Variants in GRIA3 observed in about 807,000 individuals in gnomAD.
GRIA3 encodes the protein glutamate ionotropic receptor AMPA type subunit 3.
GRIA3 carries 3 observed loss-of-function variants against 63.0 expected under a neutral mutation model. The ratio of observed to expected loss-of-function variants is 0.05; its 90% CI spans 0.02 to 0.12. The LOEUF (loss-of-function observed/expected upper bound fraction) is 0.12, where lower values mean the gene tolerates loss of function less well. Among genes scored for constraint, GRIA3 ranks in the 10% least tolerant of loss-of-function variants. The pLI is 1.00. For synonymous variants in GRIA3, 274 were observed against 257.9 expected (o/e 1.06, Z -0.60); for missense variants, 347 against 700.9 (o/e 0.50, Z 5.70).
At chrX:123,303,578 G>A (rs375300002) in intron 3 of GRIA3, among the ~76,000 whole-genome samples, 14 of 110,246 alleles carry the variant, frequency 1.3e-4, no homozygotes, top group African/African-American at 2.0e-4. Context: ...GTTTTGCATC[G>A]TTACTTATTT....
At chrX:123,405,745 G>A (rs2045470442) in intron 10 of GRIA3, among the ~76,000 whole-genome samples, 1 of 111,302 alleles carries the variant, frequency 9.0e-6, no homozygotes, top group Admixed American at 9.6e-5. Flanking sequence ...TTCTCTATTC[G>A]CATCTACTTG....
At chrX:123,290,383 T>G (rs1291442706) in intron 3 of GRIA3, among the ~76,000 whole-genome samples, 1 of 111,826 alleles carries the variant, frequency 8.9e-6, no homozygotes, top group African/African-American at 3.2e-5. Context: ...AGTTTTTCAT[T>G]GTGAGCTTCT....
At chrX:123,259,512 C>CGT (rs1454707824) in intron 3 of GRIA3, among the ~76,000 whole-genome samples, 20 of 108,375 alleles carry the variant, frequency 1.8e-4, no homozygotes, top group Admixed American at 5.9e-4. Context: ...CTCATGCGCG[C>CGT]GCACACACAC....
At position 123,416,011 on chromosome X, in the gene GRIA3, A is replaced by G. The variant is rs576886207; in HGVS notation, c.1501-1391A>G. ...AGCAACTGGGTTCTGGAATCTGAAG[A>G]CCAGGGTTCTAATCCCAGCCTCTCT... On this transcript the variant is annotated intron_variant, in intron 10 of 15. Coordinates refer to ENST00000620443, the MANE Select transcript of GRIA3 (RefSeq NM_007325.5). Among the ~76,000 whole-genome samples, 36 of 111,990 alleles carry G rather than the reference A, an allele frequency of 3.2e-4. 1 individual carries two copies. The South Asian group carries it at 0.013, about 41-fold the overall frequency.
At chrX:123,201,893 G>A (rs896886472) in intron 2 of GRIA3, among the ~76,000 whole-genome samples, 5 of 111,718 alleles carry the variant, frequency 4.5e-5, no homozygotes, top group Non-Finnish European at 9.4e-5. Flanking sequence ...CAGTCAGGGC[G>A]AATGACCTCA....
chrX:123,185,860 G>A lies in GRIA3; in HGVS notation c.138G>A (p.Gln46=). ...GACTTTTCATGAGAAACACAGTGCA[G>A]GAGCACAGCGCTTTCCGCTTTGCCG... ...IGGLFMRNTV[Q]EHSAFRFAVQ... The change falls in exon 2 of 16, where the codon CAG becomes CAA. Residue 46 remains glutamine, a synonymous_variant. Transcript: ENST00000620443. 8.3e-7 allele frequency: 1 copy of A among 1,209,253 alleles called. No individual in the cohort carries two copies. Among genetic ancestry groups the A allele is most frequent in the Non-Finnish European group, 1.1e-6 (1 of 893,716 alleles).
rs766552515 is a variant in GRIA3, at chrX:123,278,644, A to G, written c.508+25102A>G. 8.9e-5 allele frequency among the ~76,000 whole-genome samples: 10 copies of G among 112,259 alleles called. No homozygotes were observed. The Admixed American group carries it at 9.5e-4, about 11-fold the overall frequency. On this transcript the variant is annotated intron_variant, in intron 3 of 15. Coordinates refer to ENST00000620443, the MANE Select transcript of GRIA3 (RefSeq NM_007325.5). Reference sequence around the variant, plus strand: ...CCTAATTTCTTTCTTATGCCTGTGGATATCCAGATTTGCCAACACCATGTA... The same window carrying G: ...CCTAATTTCTTTCTTATGCCTGTGGGTATCCAGATTTGCCAACACCATGTA...
At chrX:123,452,027 A>G (rs676249) in intron 12 of GRIA3, among the ~76,000 whole-genome samples, 4,344 of 111,947 alleles carry the variant, frequency 0.039, 211 homozygotes, top group African/African-American at 0.13. Flanking sequence ...ATTAGCAATC[A>G]TGTATATAAT....
chrX:123,184,981 G>A (rs777000290), intron 1 of GRIA3: 19 of 375,363 alleles, frequency 5.1e-5, no homozygotes, highest in South Asian at 4.9e-4. Flanking sequence ...TCGGCTCGCT[G>A]CTCTGGACTT....
rs367733388 is a variant in GRIA3 at position 123,247,401 on chromosome X, G to A, written c.269-5902G>A. Among the ~76,000 whole-genome samples the A allele has an allele frequency of 5.4e-5, 6 of 111,661 alleles. No individual in the cohort carries two copies. The South Asian group carries it at 1.5e-3, about 28-fold the overall frequency. ...AGACTCGGGGACTATAAATAAAAGC[G>A]TGACAGCTGGCTCCAGCCTTGCTTG... On this transcript the variant is annotated intron_variant, in intron 2 of 15. Transcript: ENST00000620443.
intron 11 of GRIA3, among the ~76,000 whole-genome samples, chrX:123,421,905 A>G (rs2045565999): frequency 8.9e-6 from 1 of 112,102 alleles, no homozygotes; most frequent in African/African-American, 3.2e-5. Context: ...ATTCCAAAAC[A>G]TGCTCTTTCC....
intron 15 of GRIA3, among the ~76,000 whole-genome samples, chrX:123,488,407 C>T (rs1186907593): frequency 2.7e-5 from 3 of 112,436 alleles, no homozygotes; most frequent in African/African-American, 9.7e-5. Context: ...AGAATACACT[C>T]TTTTAGTTCT....
At chrX:123,304,769 G>A (rs1182798383) in intron 3 of GRIA3, among the ~76,000 whole-genome samples, 2 of 112,062 alleles carry the variant, frequency 1.8e-5, no homozygotes, top group Admixed American at 9.5e-5. Flanking sequence ...GCTTCCAAAA[G>A]GCTATACTGG....
chrX:123,258,589 A>G (rs975598744), intron 3 of GRIA3, among the ~76,000 whole-genome samples: 3 of 111,685 alleles, frequency 2.7e-5, no homozygotes, highest in Non-Finnish European at 1.9e-5. Flanking sequence ...CATACTTGAG[A>G]ACTGCAGCCA....
intron 3 of GRIA3, among the ~76,000 whole-genome samples, chrX:123,313,200 TTTC>T (rs1404075755): frequency 9.0e-6 from 1 of 111,314 alleles, no homozygotes; most frequent in African/African-American, 3.3e-5. Context: ...TTTACGTGGG[TTTC>T]TTTAGTATGG....
intron 5 of GRIA3, among the ~76,000 whole-genome samples, chrX:123,371,959 C>T (rs1274305283): frequency 1.8e-5 from 2 of 111,204 alleles, no homozygotes; most frequent in Admixed American, 9.6e-5. Context: ...CCCAGACCAA[C>T]GTCCGGGAGA....
At chrX:123,373,369 G>A (rs1477758789) in intron 5 of GRIA3, among the ~76,000 whole-genome samples, 1 of 111,595 alleles carries the variant, frequency 9.0e-6, no homozygotes, top group Non-Finnish European at 1.9e-5. Flanking sequence ...ATAATCCTTT[G>A]AGTATATACC....
chrX:123,346,796 C>T (rs1483057809), intron 4 of GRIA3, among the ~76,000 whole-genome samples: 4 of 112,020 alleles, frequency 3.6e-5, no homozygotes, highest in Non-Finnish European at 7.5e-5. Context: ...ACCTCTGTAT[C>T]TCCATGGTCC....
intron 12 of GRIA3, among the ~76,000 whole-genome samples, chrX:123,438,866 T>C (rs1375875699): frequency 8.9e-6 from 1 of 112,587 alleles, no homozygotes; most frequent in Non-Finnish European, 1.9e-5. Context: ...TCTGTTCTGT[T>C]TTCTTCTCAT....
Sources: allele counts gnomAD v4.1 joint callset (sites outside exome capture counted in the v4.1 genomes callset), GRCh38; gene constraint gnomAD v4.1.1; transcripts MANE v1.5; gene names NCBI Gene and HGNC (gene_info 2026-07-23, HGNC 2026-07-21).